Variants in PKHD1 observed in about 807,000 individuals in gnomAD.
PKHD1 encodes the protein PKHD1 ciliary IPT domain containing fibrocystin/polyductin.
In PKHD1, 291 loss-of-function variants were observed where a neutral mutation model predicts 412.0. The observed-to-expected ratio is 0.71, with a 90% CI of 0.64 to 0.78. The LOEUF (loss-of-function observed/expected upper bound fraction) is 0.78, where lower values mean the gene tolerates loss of function less well. Ranked by LOEUF, PKHD1 falls within the 30% of genes least tolerant of loss-of-function variation. PKHD1 has a pLI of 0.00. For synonymous variants in PKHD1, 1,777 were observed against 1,821.5 expected (o/e 0.98, Z 0.62); for missense variants, 4,825 against 4,950.7 (o/e 0.97, Z 0.76).
intron 27 of PKHD1, among the ~76,000 whole-genome samples, chr6:52,036,468 T>A (rs1427638693): frequency 6.6e-6 from 1 of 152,226 alleles, no homozygotes; most frequent in East Asian, 1.9e-4. Context: ...AGCTAATGTA[T>A]AATGATTCTG....
chr6:52,011,563 G>A (rs1799828885), intron 34 of PKHD1, among the ~76,000 whole-genome samples: 1 of 152,190 alleles, frequency 6.6e-6, no homozygotes, highest in African/African-American at 2.4e-5. Flanking sequence ...GAAGATGGCA[G>A]ATCCCATGGG....
At chr6:51,987,709 G>A (rs1029449626) in intron 35 of PKHD1, among the ~76,000 whole-genome samples, 7 of 150,552 alleles carry the variant, frequency 4.6e-5, no homozygotes, top group African/African-American at 1.7e-4. Flanking sequence ...CCTCTCACAG[G>A]AAAGAAGTTC....
chr6:51,666,926 T>G (rs191333529), intron 60 of PKHD1, among the ~76,000 whole-genome samples: 8,875 of 151,804 alleles, frequency 0.058, 312 homozygotes, highest in Non-Finnish European at 0.078. Flanking sequence ...TGCCACATTT[T>G]CTTAATCCAG....
rs537063849 is a variant in PKHD1, at chr6:51,753,139, C to G, written c.8950+62G>C. 7 of 1,413,264 alleles carry G rather than the reference C, an allele frequency of 5.0e-6. No individual in the cohort carries two copies. The African/African-American group carries it at 7.1e-5, about 14-fold the overall frequency. 87.5% of individuals were successfully genotyped at this position (1,413,264 alleles called of 1,614,324 possible). ...ATGAAAATTCTCACAGTTGGGATTTCTGGGTGTCCCAGATGAATAGGCTCC... is the reference window on the plus strand; with the variant it reads ...ATGAAAATTCTCACAGTTGGGATTTGTGGGTGTCCCAGATGAATAGGCTCC... On this transcript the variant is annotated intron_variant, in intron 57 of 66. Transcript: ENST00000371117.
At chr6:51,860,351 T>G (rs1413385897) in intron 48 of PKHD1, among the ~76,000 whole-genome samples, 1 of 152,128 alleles carries the variant, frequency 6.6e-6, no homozygotes, top group Non-Finnish European at 1.5e-5. Flanking sequence ...GAATTGACCA[T>G]GGAGGGGTCT....
In PKHD1 at chr6:52,082,536, TCCA is replaced by T. The variant is rs771568525; in HGVS notation, c.134_136del (p.Leu45_Glu46delinsTer). On this transcript the variant is annotated stop_gained and inframe_deletion, in exon 4 of 67. Transcript: ENST00000371117. LOFTEE classifies it high-confidence loss of function. ...ATTGTTGGGGTAAAGAACACCCAAC[TCCA>T]AACCTAACACAAGGGAAAGAAATCT... is the stretch of plus-strand genomic sequence containing the variant. 3 of 1,613,990 alleles carry T rather than the reference TCCA, an allele frequency of 1.9e-6. No homozygotes were observed. Among genetic ancestry groups the T allele is most frequent in the Non-Finnish European group, 2.5e-6 (3 of 1,179,890 alleles).
Position 51,906,218 on chromosome 6 carries a change from C to T in PKHD1, c.6805G>A (p.Val2269Ile). The T allele has an allele frequency of 6.2e-7, 1 of 1,611,966 alleles. No individual in the cohort carries two copies. The highest frequency in any genetic ancestry group is 8.5e-7 in the Non-Finnish European group (1 of 1,178,348). Residue 2269 changes from valine to isoleucine, a missense_variant, in exon 41 of 67, where the codon GTT becomes ATT. Coordinates refer to ENST00000371117, the MANE Select transcript of PKHD1 (RefSeq NM_138694.4). ...TCAACAAGCTTGTTTTACTTACCAA[C>T]TAGCAGCGCATGACCTAAAATATTG... ...FYNILGHALL[V>I]GTCTEMRYIS...
intron 53 of PKHD1, among the ~76,000 whole-genome samples, chr6:51,787,717 T>C (rs1270528256): frequency 6.6e-6 from 1 of 152,206 alleles, no homozygotes; most frequent in Non-Finnish European, 1.5e-5. Context: ...GGAGAAATTT[T>C]TAAATGAGAC....
chr6:51,761,146 C>A (rs1012055242), intron 55 of PKHD1, among the ~76,000 whole-genome samples: 1 of 151,924 alleles, frequency 6.6e-6, no homozygotes, highest in African/African-American at 2.4e-5. Flanking sequence ...CAACATTATT[C>A]GCAAGAGCCA....
In PKHD1 at chr6:51,830,900, T is replaced by C. The variant is rs1167099625; in HGVS notation, c.8263A>G (p.Thr2755Ala). Residue 2755 changes from threonine to alanine, a missense_variant, in exon 52 of 67, where the codon ACC becomes GCC. Physicochemically the swap from Thr to Ala is moderately conservative, Grantham distance 58. Transcript: ENST00000371117. ...VEEGWGGYNN[T>A]IPGPGDDVLI... ...ACGTCATCCCCAGGGCCTGGAATGG[T>C]ATTGTTGTATCCTCCCCAGCCTTCT... 6.8e-6 allele frequency: 11 copies of C among 1,612,570 alleles called. No individual in the cohort carries two copies. Among genetic ancestry groups the C allele is most frequent in the Non-Finnish European group, 8.5e-6 (10 of 1,178,970 alleles).
chr6:51,862,976 C>A (rs1774444387), intron 48 of PKHD1, among the ~76,000 whole-genome samples: 1 of 152,184 alleles, frequency 6.6e-6, no homozygotes, highest in Non-Finnish European at 1.5e-5. Flanking sequence ...CTGCAGTAAC[C>A]TATTCAATTA....
At chr6:51,826,590 ACTT>A (rs1767365267) in intron 52 of PKHD1, among the ~76,000 whole-genome samples, 1 of 152,194 alleles carries the variant, frequency 6.6e-6, no homozygotes, top group African/African-American at 2.4e-5. Context: ...TGTTCCTACT[ACTT>A]AAGAAGTTGA....
At chr6:51,952,552 A>G (rs984640109) in intron 36 of PKHD1, among the ~76,000 whole-genome samples, 1 of 152,158 alleles carries the variant, frequency 6.6e-6, no homozygotes, top group African/African-American at 2.4e-5. Flanking sequence ...AGAGGGAAGA[A>G]AAAATACACC....
At chr6:51,628,204 G>A (rs768957927) in intron 65 of PKHD1, among the ~76,000 whole-genome samples, 5 of 152,076 alleles carry the variant, frequency 3.3e-5, no homozygotes, top group Non-Finnish European at 5.9e-5. Context: ...CAAATAGGCA[G>A]TTTTTCAACC....
intron 16 of PKHD1, 79 bp from the exon 17 acceptor site, chr6:52,057,058 C>T (rs899131483): frequency 2.2e-6 from 2 of 889,180 alleles, no homozygotes; most frequent in African/African-American, 3.3e-5. Flanking sequence ...CAGGACATTC[C>T]TCCTCAACTT....
chr6:51,967,304 C>A (rs1399710107), intron 35 of PKHD1, among the ~76,000 whole-genome samples: 1 of 152,066 alleles, frequency 6.6e-6, no homozygotes, highest in Non-Finnish European at 1.5e-5. Context: ...CCCACAAAGC[C>A]TGAAATATTT....
At chr6:51,896,420 G>A (rs1365742833) in intron 43 of PKHD1, among the ~76,000 whole-genome samples, 1 of 152,128 alleles carries the variant, frequency 6.6e-6, no homozygotes, top group Non-Finnish European at 1.5e-5. Context: ...ACCTCACACG[G>A]CAGGGTACTC....
Position 51,928,913 on chromosome 6 carries a change from T to G in PKHD1, c.6121+5197A>C, listed in dbSNP as rs143486919. On this transcript the variant is annotated intron_variant, in intron 37 of 66. Transcript: ENST00000371117. ...ATTACAAGAATTCATAAATCCTTGG[T>G]TCTAAGTTTGTTTCCAGTGGGCTTC... Among the ~76,000 whole-genome samples the G allele has an allele frequency of 2.5e-3, 374 of 152,284 alleles. 3 individuals carry two copies. The highest frequency in any genetic ancestry group is 8.0e-3 in the African/African-American group (334 of 41,556).
At chr6:51,870,008 C>A (rs1278426555) in intron 47 of PKHD1, among the ~76,000 whole-genome samples, 1 of 152,110 alleles carries the variant, frequency 6.6e-6, no homozygotes, top group Non-Finnish European at 1.5e-5. Context: ...AAAAAGTGAG[C>A]AAGAACTCCT....
Sources: gnomAD v4.1 joint callset for allele counts (sites outside exome capture counted in the v4.1 genomes callset) on GRCh38, gnomAD v4.1.1 for gene constraint, MANE v1.5 for transcripts, NCBI Gene and HGNC (gene_info 2026-07-23, HGNC 2026-07-21) for gene names.